The following PTPRD variants were observed in gnomAD, a reference collection of about 807,000 sequenced individuals.
PTPRD encodes the protein protein tyrosine phosphatase receptor type D.
Under a neutral mutation model 214.5 loss-of-function variants are expected in PTPRD, and 34 were observed. The observed-to-expected ratio is 0.16, with a 90% confidence interval of 0.12 to 0.21. The LOEUF (loss-of-function observed/expected upper bound fraction) is 0.21, where lower values mean the gene tolerates loss of function less well. PTPRD is among the 10% of genes least tolerant of loss of function. PTPRD has a pLI of 1.00. For synonymous variants in PTPRD, 1,128 were observed against 845.7 expected, an observed-to-expected ratio of 1.33 and a Z score of -5.79; for missense variants, 2,545 against 2,398.7, an observed-to-expected ratio of 1.06 and a Z score of -1.27.
intron 7 of PTPRD, among the ~76,000 whole-genome samples, chr9:9,715,385 G>A (rs2097800800): frequency 6.6e-6 from 1 of 152,042 alleles, no homozygotes; most frequent in Admixed American, 6.6e-5. Flanking sequence ...AGTCCTTGCA[G>A]AAATGACGTG....
intron 31 of PTPRD, among the ~76,000 whole-genome samples, chr9:8,469,034 T>C (rs527497967): frequency 2.0e-5 from 3 of 152,116 alleles, no homozygotes; most frequent in Non-Finnish European, 2.9e-5. Flanking sequence ...CTCAATTATA[T>C]CAGTAAGAAA....
At position 10,569,041 on chromosome 9, in the gene PTPRD, T is replaced by A. The variant is rs368173148; in HGVS notation, c.-600+43357A>T. 5.3e-5 allele frequency among the ~76,000 whole-genome samples: 8 copies of A among 151,810 alleles called. No individual in the cohort carries two copies. The East Asian group carries it at 1.6e-3, about 30-fold the overall frequency. ...CTACTCACCTGACAAAGGGCTAATATCCAGAATCTACCATGAACTCAAACA... is the reference window on the plus strand; with the variant it reads ...CTACTCACCTGACAAAGGGCTAATAACCAGAATCTACCATGAACTCAAACA... On this transcript the variant is annotated intron_variant, in intron 2 of 45. Transcript: ENST00000381196.
chr9:9,622,930 C>T (rs1053644148), intron 7 of PTPRD, among the ~76,000 whole-genome samples: 7 of 152,110 alleles, frequency 4.6e-5, no homozygotes, highest in African/African-American at 1.7e-4. Flanking sequence ...CTAGAGATTT[C>T]ACATCATTGA....
chr9:10,163,389 T>G (rs1013096868), intron 3 of PTPRD, among the ~76,000 whole-genome samples: 1 of 151,432 alleles, frequency 6.6e-6, no homozygotes, highest in Non-Finnish European at 1.5e-5. Context: ...ATCCTTTAAC[T>G]GTTATAACAT....
chr9:8,965,397 A>T lies in PTPRD; in HGVS notation c.-104+53300T>A, dbSNP rs561001389. Among the ~76,000 whole-genome samples, 169 of 151,580 alleles carry T rather than the reference A, an allele frequency of 1.1e-3. 1 individual carries two copies. Among genetic ancestry groups the T allele is most frequent in the African/African-American group, 3.8e-3 (158 of 41,296 alleles). On this transcript the variant is annotated intron_variant, in intron 11 of 45. Coordinates refer to ENST00000381196, the MANE Select transcript of PTPRD (RefSeq NM_002839.4). ...TCTGCTTCAGAAAAAAAAAAAAAAA[A>T]ATTCTTAGTTTTCTGCCTCACTGAT...
chr9:8,430,187 C>G (rs188685384), intron 35 of PTPRD, among the ~76,000 whole-genome samples: 1 of 152,282 alleles, frequency 6.6e-6, no homozygotes, highest in East Asian at 1.9e-4. Flanking sequence ...TTGAGGACCA[C>G]ATTGGGAACT....
chr9:9,862,452 A>C (rs1213437946), intron 5 of PTPRD, among the ~76,000 whole-genome samples: 1 of 152,216 alleles, frequency 6.6e-6, no homozygotes, highest in Non-Finnish European at 1.5e-5. Flanking sequence ...GTGAAAACAA[A>C]ACAAAACAAA....
intron 9 of PTPRD, among the ~76,000 whole-genome samples, chr9:9,343,082 A>G (rs897282633): frequency 2.6e-5 from 4 of 152,070 alleles, no homozygotes; most frequent in Admixed American, 6.6e-5. Context: ...TTATAGCTGC[A>G]TAGTATTCCA....
At chr9:10,465,044 C>T (rs558882571) in intron 2 of PTPRD, among the ~76,000 whole-genome samples, 3 of 151,854 alleles carry the variant, frequency 2.0e-5, no homozygotes, top group African/African-American at 7.3e-5. Context: ...AAAGACAGAG[C>T]AAATAAAAAT....
At position 8,397,324 on chromosome 9, in the gene PTPRD, A is replaced by G. The variant is rs188965932; in HGVS notation, c.4210+7213T>C. On this transcript the variant is annotated intron_variant, in intron 36 of 45. Transcript: ENST00000381196. Reference sequence around the variant, plus strand: ...ATATGGGAAGGAGCACACAGCAACTATCAAAGGACTTCTTTATTGGGTGAA... The same window carrying G: ...ATATGGGAAGGAGCACACAGCAACTGTCAAAGGACTTCTTTATTGGGTGAA... 2.0e-4 allele frequency among the ~76,000 whole-genome samples: 30 copies of G among 152,298 alleles called. No homozygotes were observed. The East Asian group carries it at 5.4e-3, about 27-fold the overall frequency.
chr9:9,628,555 C>A (rs76981846), intron 7 of PTPRD, among the ~76,000 whole-genome samples: 1 of 152,078 alleles, frequency 6.6e-6, no homozygotes, highest in African/African-American at 2.4e-5. Context: ...CTTTCACTCC[C>A]CTTGGCAAAA....
chr9:9,987,552 C>T (rs908900921), intron 4 of PTPRD, among the ~76,000 whole-genome samples: 3 of 152,080 alleles, frequency 2.0e-5, no homozygotes, highest in Non-Finnish European at 2.9e-5. Context: ...CGGGAAAGAC[C>T]TGCCCCGACA....
intron 12 of PTPRD, among the ~76,000 whole-genome samples, chr9:8,705,125 T>A (rs931806427): frequency 6.6e-6 from 1 of 152,158 alleles, no homozygotes; most frequent in African/African-American, 2.4e-5. Flanking sequence ...TGTTGACCAC[T>A]CCCTGACCCA....
intron 35 of PTPRD, among the ~76,000 whole-genome samples, chr9:8,435,144 G>A (rs767648363): frequency 3.9e-5 from 6 of 152,184 alleles, no homozygotes; most frequent in Non-Finnish European, 7.3e-5. Flanking sequence ...TGAGGGTGGA[G>A]GTGAATGAGA....
At chr9:8,333,044 G>A (rs761491274) in intron 43 of PTPRD, among the ~76,000 whole-genome samples, 7 of 152,134 alleles carry the variant, frequency 4.6e-5, no homozygotes, top group Non-Finnish European at 8.8e-5. Flanking sequence ...TCATCACCTC[G>A]CCTGGTGGTT....
At chr9:9,364,053 T>G (rs553460055) in intron 9 of PTPRD, among the ~76,000 whole-genome samples, 21 of 151,504 alleles carry the variant, frequency 1.4e-4, no homozygotes, top group African/African-American at 4.6e-4. Flanking sequence ...CTTTACATAT[T>G]TACATTATCA....
intron 8 of PTPRD, among the ~76,000 whole-genome samples, chr9:9,441,087 T>G (rs185087635): frequency 5.5e-4 from 84 of 152,264 alleles, no homozygotes; most frequent in African/African-American, 2.0e-3. Context: ...ACCAATAATT[T>G]AATATGGTTC....
At chr9:10,547,560 T>C (rs1399882808) in intron 2 of PTPRD, among the ~76,000 whole-genome samples, 1 of 152,086 alleles carries the variant, frequency 6.6e-6, no homozygotes, top group Non-Finnish European at 1.5e-5. Context: ...ACACCTACCT[T>C]ACACATAAGA....
chr9:8,504,883 T>C (rs1243230959), intron 22 of PTPRD, among the ~76,000 whole-genome samples: 1 of 152,176 alleles, frequency 6.6e-6, no homozygotes, highest in East Asian at 1.9e-4. Flanking sequence ...TGACCAGAAG[T>C]AGCAACAGTA....
Sources: allele counts gnomAD v4.1 joint callset (sites outside exome capture counted in the v4.1 genomes callset), GRCh38; gene constraint gnomAD v4.1.1; transcripts MANE v1.5; gene names NCBI Gene and HGNC (gene_info 2026-07-23, HGNC 2026-07-21).